ATXN1: variants seen among roughly 807,000 people sequenced by gnomAD.
The protein encoded by ATXN1 is ataxin 1, also known as ataxin-1.
A neutral mutation model predicts 56.4 loss-of-function variants in ATXN1; 8 were observed. The ratio of observed to expected loss-of-function variants is 0.14; its 90% CI spans 0.08 to 0.26. ATXN1 has a LOEUF of 0.26. ATXN1 is among the 10% of genes least tolerant of loss of function. ATXN1 has a pLI of 1.00. For synonymous variants in ATXN1, 514 were observed against 494.6 expected, an observed-to-expected ratio of 1.04 and a Z score of -0.52; for missense variants, 987 against 1,106.5, an observed-to-expected ratio of 0.89 and a Z score of 1.53.
chr6:16,615,011 A>G (rs1371864685), intron 3 of ATXN1: 1 of 151,064 alleles, frequency 6.6e-6, no homozygotes, highest in African/African-American at 2.4e-5. Context: ...TATTAATTTA[A>G]GAAGTAAAAA....
intron 6 of ATXN1, among the ~76,000 whole-genome samples, chr6:16,376,256 AAG>A (rs1762137727): frequency 6.6e-6 from 1 of 152,170 alleles, no homozygotes; most frequent in Admixed American, 6.5e-5. Context: ...CTATAGGCAA[AAG>A]AGAGAAAAAA....
chr6:16,493,238 T>C (rs1188178829), intron 5 of ATXN1, among the ~76,000 whole-genome samples: 1 of 152,198 alleles, frequency 6.6e-6, no homozygotes, highest in East Asian at 1.9e-4. Flanking sequence ...ATCTTCACAA[T>C]CTGGCCCCAG....
chr6:16,343,021 A>G (rs1761289512), intron 6 of ATXN1, among the ~76,000 whole-genome samples: 1 of 152,184 alleles, frequency 6.6e-6, no homozygotes, highest in African/African-American at 2.4e-5. Flanking sequence ...TATTATGCAT[A>G]TTTTGTCACC....
At chr6:16,412,980 G>T (rs1052938305) in intron 6 of ATXN1, among the ~76,000 whole-genome samples, 4 of 152,178 alleles carry the variant, frequency 2.6e-5, no homozygotes, top group Non-Finnish European at 5.9e-5. Context: ...TATGGTCTCT[G>T]TCCTATAGTT....
At chr6:16,728,451 G>T (rs1759897081) in intron 2 of ATXN1, among the ~76,000 whole-genome samples, 1 of 152,166 alleles carries the variant, frequency 6.6e-6, no homozygotes, top group Non-Finnish European at 1.5e-5. Flanking sequence ...ATATGTATGG[G>T]CAACATCTGG....
chr6:16,415,155 T>C (rs114399486), intron 6 of ATXN1, among the ~76,000 whole-genome samples: 2 of 152,218 alleles, frequency 1.3e-5, no homozygotes, highest in African/African-American at 4.8e-5. Context: ...TTAAAATATA[T>C]GGAATATAAT....
At chr6:16,546,415 T>G (rs1486132614) in intron 4 of ATXN1, among the ~76,000 whole-genome samples, 2 of 152,206 alleles carry the variant, frequency 1.3e-5, no homozygotes, top group South Asian at 4.1e-4. Flanking sequence ...TCTTGTCACC[T>G]GGGGCCAGGT....
intron 2 of ATXN1, among the ~76,000 whole-genome samples, chr6:16,665,223 CTG>C (rs948562060): frequency 6.6e-6 from 1 of 152,160 alleles, no homozygotes; most frequent in African/African-American, 2.4e-5. Flanking sequence ...ACCATGGAAT[CTG>C]AAGCATAGAA....
chr6:16,564,762 G>T (rs992459401), intron 4 of ATXN1, among the ~76,000 whole-genome samples: 3 of 152,182 alleles, frequency 2.0e-5, no homozygotes, highest in Non-Finnish European at 2.9e-5. Flanking sequence ...TCCTTTAGGG[G>T]TGATGAAAAT....
chr6:16,596,448 AT>A (rs1308370423), intron 3 of ATXN1, among the ~76,000 whole-genome samples: 1 of 152,194 alleles, frequency 6.6e-6, no homozygotes, highest in Non-Finnish European at 1.5e-5. Flanking sequence ...AAATCATCAC[AT>A]TTGAAGGAGC....
intron 2 of ATXN1, among the ~76,000 whole-genome samples, chr6:16,692,537 A>C (rs1759071009): frequency 6.6e-6 from 1 of 152,242 alleles, no homozygotes; most frequent in East Asian, 1.9e-4. Context: ...ATACCCAATT[A>C]ACACACACAT....
At chr6:16,361,042 G>A (rs931730482) in intron 6 of ATXN1, among the ~76,000 whole-genome samples, 5 of 152,134 alleles carry the variant, frequency 3.3e-5, no homozygotes, top group South Asian at 4.1e-4. Context: ...GCACATTTAC[G>A]ACATACATTT....
Position 16,751,569 on chromosome 6 carries a change from A to C in ATXN1, c.-615+1664T>G, listed in dbSNP as rs147059578. Among the ~76,000 whole-genome samples the C allele has an allele frequency of 4.4e-4, 57 of 128,994 alleles. 1 individual carries two copies. The highest frequency in any genetic ancestry group is 1.8e-3 in the African/African-American group (54 of 30,076). 84.6% of individuals were successfully genotyped at this position (128,994 alleles called of 152,430 possible). A position where few individuals can be genotyped will look rare whatever the true frequency, so the allele number is the denominator to read the frequency against. On this transcript the variant is annotated intron_variant, in intron 2 of 7. Transcript: ENST00000436367. Reference sequence around the variant, plus strand: ...ACCACATTTATGCATGCAATTCATCAGTTCATTTTACAACAATCTAAAAAA... The same window carrying C: ...ACCACATTTATGCATGCAATTCATCCGTTCATTTTACAACAATCTAAAAAA...
chr6:16,432,447 T>C (rs554133004), intron 6 of ATXN1: 1 of 152,368 alleles, frequency 6.6e-6, no homozygotes, highest in East Asian at 1.9e-4. Context: ...TCCTAAAGCT[T>C]ATTAGCTGTG....
chr6:16,711,055 G>C (rs1759512230), intron 2 of ATXN1, among the ~76,000 whole-genome samples: 1 of 152,172 alleles, frequency 6.6e-6, no homozygotes, highest in African/African-American at 2.4e-5. Flanking sequence ...GCCCATGACA[G>C]TATTTTAATC....
intron 6 of ATXN1, among the ~76,000 whole-genome samples, chr6:16,413,599 A>T (rs1758845705): frequency 6.6e-6 from 1 of 152,190 alleles, no homozygotes; most frequent in South Asian, 2.1e-4. Flanking sequence ...TAAATAAATA[A>T]ATGAATGAAT....
intron 2 of ATXN1, among the ~76,000 whole-genome samples, chr6:16,698,883 C>T (rs375733571): frequency 3.3e-5 from 5 of 152,072 alleles, no homozygotes; most frequent in South Asian, 2.1e-4. Context: ...TACGATTGTC[C>T]GTCCAATTCA....
chr6:16,374,017 C>T (rs927227199), intron 6 of ATXN1, among the ~76,000 whole-genome samples: 10 of 151,586 alleles, frequency 6.6e-5, no homozygotes, highest in Admixed American at 3.3e-4. Flanking sequence ...CATAAAGCAC[C>T]ACGGCATAAA....
At chr6:16,342,499 G>C (rs1761272788) in intron 6 of ATXN1, among the ~76,000 whole-genome samples, 1 of 152,098 alleles carries the variant, frequency 6.6e-6, no homozygotes, top group Admixed American at 6.5e-5. Flanking sequence ...ATTACCACAT[G>C]ACTCAGCAAT....
Sources: gnomAD v4.1 joint callset for allele counts (sites outside exome capture counted in the v4.1 genomes callset) on GRCh38, gnomAD v4.1.1 for gene constraint, MANE v1.5 for transcripts, NCBI Gene and HGNC (gene_info 2026-07-23, HGNC 2026-07-21) for gene names.